Variants in NFX1 observed in about 807,000 individuals in gnomAD.
NFX1 encodes nuclear transcription factor, X-box binding 1, also known as transcriptional repressor NF-X1.
Under a neutral mutation model 137.2 loss-of-function variants are expected in NFX1, and 69 were observed. That is an observed-to-expected ratio of 0.50 (90% CI 0.41 to 0.61). The LOEUF is 0.61. NFX1 is among the 20% of genes least tolerant of loss of function. The probability of loss-of-function intolerance (pLI) is 0.00; values close to 1 mark genes in which losing one functional copy is unlikely to be tolerated. For synonymous variants in NFX1, 495 were observed against 474.1 expected, an observed-to-expected ratio of 1.04 and a Z score of -0.57; for missense variants, 1,167 against 1,391.0, an observed-to-expected ratio of 0.84 and a Z score of 2.56.
chr9:33,306,878 T>C (rs1253543662), intron 4 of NFX1, among the ~76,000 whole-genome samples: 1 of 152,202 alleles, frequency 6.6e-6, no homozygotes, highest in Non-Finnish European at 1.5e-5. Flanking sequence ...AGTCCAGTTA[T>C]AGACGACTTG....
rs1823677967 is a variant in NFX1 at position 33,352,639 on chromosome 9, A to G, written c.2656-7A>G. ...CTAAAAGTCGTTCCATGTTCATCTG[A>G]CTTCAGGTAGAGCTACAGTGTGAAT... On this transcript the variant is annotated splice_polypyrimidine_tract_variant and splice_region_variant and intron_variant, in intron 16 of 23. Coordinates refer to ENST00000379540, the MANE Select transcript of NFX1 (RefSeq NM_002504.6). 1.9e-6 allele frequency: 3 copies of G among 1,613,816 alleles called. No individual in the cohort carries two copies. Among genetic ancestry groups the G allele is most frequent in the Non-Finnish European group, 2.5e-6 (3 of 1,179,782 alleles).
At chr9:33,315,043 C>G (rs971614210) in intron 7 of NFX1, among the ~76,000 whole-genome samples, 1 of 152,042 alleles carries the variant, frequency 6.6e-6, no homozygotes, top group African/African-American at 2.4e-5. Flanking sequence ...TCCATTACTG[C>G]AATCTAGAAA....
At chr9:33,351,967 G>C in intron 16 of NFX1, 177 bp downstream of exon 16, 1 of 580,806 alleles carries the variant, frequency 1.7e-6, no homozygotes, top group Non-Finnish European at 2.9e-6. Flanking sequence ...GCCCAACTTG[G>C]TATGGCCTTT....
intron 14 of NFX1, 69 bp from the exon 15 acceptor site, chr9:33,346,969 T>C (rs1284442613): frequency 2.5e-6 from 3 of 1,222,776 alleles, no homozygotes; most frequent in South Asian, 1.4e-5. Flanking sequence ...ATGCCACTTA[T>C]ATGATGTATA....
At chr9:33,361,767 G>A (rs1823998519) in intron 19 of NFX1, among the ~76,000 whole-genome samples, 2 of 149,164 alleles carry the variant, frequency 1.3e-5, no homozygotes, top group African/African-American at 5.0e-5. Flanking sequence ...GAGCAGCCTG[G>A]GCGACAAGAG....
In NFX1 at chr9:33,295,366, A is replaced by G. The variant is rs1037473439; in HGVS notation, c.972A>G (p.Val324=). 4.3e-6 allele frequency: 7 copies of G among 1,614,040 alleles called. No homozygotes were observed. The highest frequency in any genetic ancestry group is 5.1e-6 in the Non-Finnish European group (6 of 1,180,046). Residue 324 remains valine, a synonymous_variant, in exon 2 of 24, where the codon GTA becomes GTG. Coordinates refer to ENST00000379540, the MANE Select transcript of NFX1 (RefSeq NM_002504.6). ...KCTVRRQDPQ[V]VSPFSRGKQN... is the part of the protein sequence containing the mutation. ...CTGTACGGAGGCAGGATCCTCAAGT[A>G]GTATCTCCTTTCTCCCGAGGCAAAC... is the stretch of plus-strand genomic sequence containing the variant.
At chr9:33,365,288 G>T (rs1824137647) in intron 21 of NFX1, 1 of 153,542 alleles carries the variant, frequency 6.5e-6, no homozygotes, top group East Asian at 1.9e-4. Flanking sequence ...AAGAAAGAAA[G>T]AAAGAAAGAA....
chr9:33,291,929 C>A (rs773468811), intron 1 of NFX1, among the ~76,000 whole-genome samples: 1 of 152,130 alleles, frequency 6.6e-6, no homozygotes, highest in African/African-American at 2.4e-5. Flanking sequence ...AAACACACTG[C>A]ATTGGTGTAC....
In NFX1 at chr9:33,370,147, C is replaced by A; in HGVS notation, c.*169C>A. On this transcript the variant is annotated 3_prime_UTR_variant, in exon 24 of 24. Transcript: ENST00000379540. ...TGTGTCAGAAATCCCTTGTCTATTC[C>A]TGTCTGTATAAAGTGTTTCATTATG... is the stretch of plus-strand genomic sequence containing the variant. The A allele has an allele frequency of 1.7e-6, 1 of 581,902 alleles. No homozygotes were observed. Among genetic ancestry groups the A allele is most frequent in the Non-Finnish European group, 3.0e-6 (1 of 332,026 alleles). 36.0% of individuals were successfully genotyped at this position (581,902 alleles called of 1,614,324 possible). A position where few individuals can be genotyped will look rare whatever the true frequency, so the allele number is the denominator to read the frequency against.
At chr9:33,343,456 T>C (rs1283077440) in intron 13 of NFX1, among the ~76,000 whole-genome samples, 1 of 152,188 alleles carries the variant, frequency 6.6e-6, no homozygotes, top group African/African-American at 2.4e-5. Flanking sequence ...TCTGTCGTGA[T>C]ATAGTTGAGG....
intron 15 of NFX1, among the ~76,000 whole-genome samples, chr9:33,350,861 CT>C (rs1823610142): frequency 6.6e-6 from 1 of 152,156 alleles, no homozygotes; most frequent in South Asian, 2.1e-4. Context: ...ATTTTAAAAA[CT>C]GAGCTGAGTG....
intron 18 of NFX1, 152 bp downstream of exon 18, chr9:33,354,339 AT>A (rs1823743559): frequency 3.0e-6 from 2 of 675,804 alleles, no homozygotes; most frequent in South Asian, 4.1e-5. Flanking sequence ...CATCTGCTCC[AT>A]CCCCAATGAA....
intron 9 of NFX1, among the ~76,000 whole-genome samples, chr9:33,327,428 G>C (rs1822634452): frequency 6.6e-6 from 1 of 152,184 alleles, no homozygotes; most frequent in Non-Finnish European, 1.5e-5. Flanking sequence ...GCAGTGGCAT[G>C]ATCTTGGCTC....
intron 2 of NFX1, among the ~76,000 whole-genome samples, chr9:33,300,778 C>G (rs1821532332): frequency 6.6e-6 from 1 of 152,196 alleles, no homozygotes; most frequent in Non-Finnish European, 1.5e-5. Context: ...TGACTAAAGA[C>G]TTTGAGGGCA....
At position 33,370,125 on chromosome 9, in the gene NFX1, G is replaced by A; in HGVS notation, c.*147G>A. On this transcript the variant is annotated 3_prime_UTR_variant, in exon 24 of 24. Transcript: ENST00000379540. ...ACTGACACATCCAAAGCATGAGTGT[G>A]TCAGAAATCCCTTGTCTATTCCTGT... 1.6e-6 allele frequency: 1 copy of A among 612,942 alleles called. No individual in the cohort carries two copies. Among genetic ancestry groups the A allele is most frequent in the East Asian group, 2.9e-5 (1 of 34,920 alleles). The allele number at this position is 612,942 out of a possible 1,614,324, so 38.0% of individuals were successfully genotyped here.
chr9:33,324,928 CAAAAA>C (rs1269732305), intron 9 of NFX1, among the ~76,000 whole-genome samples: 2 of 70,832 alleles, frequency 2.8e-5, no homozygotes, highest in South Asian at 8.7e-4. Flanking sequence ...GATTCCATCT[CAAAAA>C]AAAAAAAAAA....
intron 23 of NFX1, among the ~76,000 whole-genome samples, chr9:33,369,652 CTGTAAAG>C (rs1457427007): frequency 6.6e-6 from 1 of 152,012 alleles, no homozygotes; most frequent in Non-Finnish European, 1.5e-5. Context: ...TACCTCTAAA[CTGTAAAG>C]TGTAAATAGA....
intron 19 of NFX1, among the ~76,000 whole-genome samples, chr9:33,355,829 G>C (rs854169): frequency 6.6e-6 from 1 of 151,836 alleles, no homozygotes; most frequent in African/African-American, 2.4e-5. Context: ...ATTTTTAGTA[G>C]AAATGGGGTT....
At chr9:33,340,902 T>C (rs1823196131) in intron 12 of NFX1, among the ~76,000 whole-genome samples, 1 of 152,156 alleles carries the variant, frequency 6.6e-6, no homozygotes, top group Non-Finnish European at 1.5e-5. Flanking sequence ...GCCTGGACAT[T>C]ATTGTCCATA....
Sources: allele counts gnomAD v4.1 joint callset (sites outside exome capture counted in the v4.1 genomes callset), GRCh38; gene constraint gnomAD v4.1.1; transcripts MANE v1.5; gene names NCBI Gene and HGNC (gene_info 2026-07-23, HGNC 2026-07-21).